Variants in PROS1 observed in about 807,000 individuals in gnomAD.
PROS1 encodes vitamin K-dependent protein S.
PROS1 carries 29 observed loss-of-function variants against 75.9 expected under a neutral mutation model. The ratio of observed to expected loss-of-function variants is 0.38; its 90% CI spans 0.28 to 0.52. PROS1 has a LOEUF of 0.52. Ranked by LOEUF, PROS1 falls within the 20% of genes least tolerant of loss-of-function variation. PROS1 has a pLI of 0.83. For synonymous variants in PROS1, 245 were observed against 280.6 expected, an observed-to-expected ratio of 0.87 and a Z score of 1.27; for missense variants, 680 against 810.3, an observed-to-expected ratio of 0.84 and a Z score of 1.95.
At chr3:93,918,438 C>T (rs1708893087) in intron 3 of PROS1, among the ~76,000 whole-genome samples, 1 of 152,082 alleles carries the variant, frequency 6.6e-6, no homozygotes, top group Non-Finnish European at 1.5e-5. Flanking sequence ...CTTGCTGCTG[C>T]TCACTCTTTG....
rs764602594 is a variant in PROS1, at chr3:93,879,302, C to T, written c.1505G>A (p.Ser502Asn). 9 of 1,613,978 alleles carry T rather than the reference C, an allele frequency of 5.6e-6. 1 individual carries two copies. The South Asian group carries it at 6.6e-5, about 12-fold the overall frequency. ...QFHIDYNNVSSAEGWHVNVTL... is the reference protein window; with the variant it reads ...QFHIDYNNVSNAEGWHVNVTL... ...CACATTTACATGCCAACCCTCAGCACTGGATACATTATCTATTTAAAATAA... is the reference window on the plus strand; with the variant it reads ...CACATTTACATGCCAACCCTCAGCATTGGATACATTATCTATTTAAAATAA... Residue 502 changes from serine (S) to asparagine (N), a missense_variant, in exon 13 of 15, where the codon AGT (serine) becomes AAT (asparagine). Coordinates refer to ENST00000394236, the MANE Select transcript of PROS1 (RefSeq NM_000313.4).
intron 1 of PROS1, among the ~76,000 whole-genome samples, chr3:93,967,706 C>G (rs1436649327): frequency 6.6e-6 from 1 of 152,038 alleles, no homozygotes; most frequent in African/African-American, 2.4e-5. Context: ...GGAAACATAG[C>G]AAGATCTCAT....
intron 6 of PROS1, among the ~76,000 whole-genome samples, chr3:93,903,724 T>C (rs901884807): frequency 2.8e-4 from 42 of 152,058 alleles, no homozygotes; most frequent in African/African-American, 8.0e-4. Context: ...TATTTAAGCG[T>C]AGAAGTAAGA....
intron 7 of PROS1, among the ~76,000 whole-genome samples, chr3:93,900,361 T>C: frequency 6.6e-6 from 1 of 152,222 alleles, no homozygotes; most frequent in Non-Finnish European, 1.5e-5. Flanking sequence ...TTTATTTATA[T>C]ATGCACAGAA....
Position 93,884,907 on chromosome 3 carries a change from A to G in PROS1, c.1324-11T>C. On this transcript the variant is annotated splice_polypyrimidine_tract_variant and intron_variant, in intron 11 of 14. Transcript: ENST00000394236. ...TAGACGAGGGTTAATCTAACAAATT[A>G]AAATACAAGTCAAGGAGTGCATTTT... 1 of 1,610,196 alleles carries G rather than the reference A, an allele frequency of 6.2e-7. No homozygotes were observed. The highest frequency in any genetic ancestry group is 8.5e-7 in the Non-Finnish European group (1 of 1,177,462).
At chr3:93,927,744 G>A (rs1177580676) in intron 1 of PROS1, among the ~76,000 whole-genome samples, 3 of 150,572 alleles carry the variant, frequency 2.0e-5, no homozygotes, top group Non-Finnish European at 4.4e-5. Context: ...GCTCACCTTC[G>A]TAATCCCAGC....
intron 1 of PROS1, among the ~76,000 whole-genome samples, chr3:93,951,610 A>G (rs1709497171): frequency 6.6e-6 from 1 of 152,240 alleles, no homozygotes; most frequent in African/African-American, 2.4e-5. Context: ...ACACATGGAA[A>G]GGAACAACCA....
At chr3:93,877,315 C>T (rs1346401232) in intron 13 of PROS1, 124 bp from the exon 14 acceptor site, 5 of 629,244 alleles carry the variant, frequency 7.9e-6, no homozygotes, top group Non-Finnish European at 1.4e-5. Context: ...TATGATAGAG[C>T]CTCTAAATTT....
At chr3:93,938,624 C>T (rs753776634) in intron 1 of PROS1, among the ~76,000 whole-genome samples, 3 of 152,198 alleles carry the variant, frequency 2.0e-5, no homozygotes, top group African/African-American at 4.8e-5. Flanking sequence ...GCCTCTCTTG[C>T]TACCCTTCAA....
intron 1 of PROS1, among the ~76,000 whole-genome samples, chr3:93,933,723 A>G (rs1709140869): frequency 6.6e-6 from 1 of 152,226 alleles, no homozygotes; most frequent in South Asian, 2.1e-4. Context: ...CAGCAGTTCG[A>G]GACTAGCCTG....
chr3:93,938,166 T>A (rs1389024061), intron 1 of PROS1, among the ~76,000 whole-genome samples: 1 of 152,198 alleles, frequency 6.6e-6, no homozygotes, highest in African/African-American at 2.4e-5. Flanking sequence ...AATGGCTGGT[T>A]CCTGCCTTAA....
intron 1 of PROS1, 61 bp downstream of exon 1, chr3:93,973,613 A>G: frequency 6.4e-7 from 1 of 1,558,714 alleles, no homozygotes. Context: ...CCTACCAACC[A>G]GGGCACGCAG....
chr3:93,937,873 C>T (rs767629119), intron 1 of PROS1, among the ~76,000 whole-genome samples: 11 of 152,276 alleles, frequency 7.2e-5, no homozygotes, highest in African/African-American at 2.4e-4. Flanking sequence ...GAAATAAGAA[C>T]ACTTTTGCCT....
chr3:93,950,978 T>C (rs549860945), intron 1 of PROS1, among the ~76,000 whole-genome samples: 7 of 152,098 alleles, frequency 4.6e-5, no homozygotes, highest in South Asian at 2.1e-4. Flanking sequence ...ATAAACAGCA[T>C]AGAGAAGAGC....
In PROS1 at chr3:93,905,834, C is replaced by T; in HGVS notation, c.551G>A (p.Cys184Tyr). 1 of 1,612,584 alleles carries T rather than the reference C, an allele frequency of 6.2e-7. No individual in the cohort carries two copies. Among genetic ancestry groups the T allele is most frequent in the South Asian group, 1.1e-5 (1 of 91,026 alleles). Reference protein sequence around the residue: ...ICDNTPGSYHCSCKNGFVMLS... With the variant: ...ICDNTPGSYHYSCKNGFVMLS... The stretch of plus-strand genomic sequence containing the variant: ...CATAACAAAACCATTTTTACAGGAA[C>T]AGTGGTAACTTCCAGGTGTATTATC... Residue 184 changes from cysteine to tyrosine, a missense_variant, in exon 6 of 15, where the codon TGT (cysteine) becomes TAT (tyrosine). By Grantham distance (194) the Cys-to-Tyr change is radical (BLOSUM62 -2). Coordinates refer to ENST00000394236, the MANE Select transcript of PROS1 (RefSeq NM_000313.4).
intron 1 of PROS1, among the ~76,000 whole-genome samples, chr3:93,969,449 C>A (rs1407502764): frequency 6.6e-6 from 1 of 152,190 alleles, no homozygotes; most frequent in East Asian, 1.9e-4. Flanking sequence ...AGCATCCATT[C>A]TTTTGTGGGA....
Position 93,951,010 on chromosome 3 carries a change from A to G in PROS1, c.76+22664T>C, listed in dbSNP as rs1251408521. ...GAGCTTAAATGACCTAATGGATCAA[A>G]TGAATGAAATGAAGTGAGAAGAGAA... is the stretch of plus-strand genomic sequence containing the variant. On this transcript the variant is annotated intron_variant, in intron 1 of 14. Coordinates refer to ENST00000394236, the MANE Select transcript of PROS1 (RefSeq NM_000313.4). Among the ~76,000 whole-genome samples, 5 of 152,374 alleles carry G rather than the reference A, an allele frequency of 3.3e-5. No homozygotes were observed. The South Asian group carries it at 1.0e-3, about 32-fold the overall frequency.
In PROS1 at chr3:93,906,049, T is replaced by G. The variant is rs1215602588; in HGVS notation, c.441A>C (p.Pro147=). The G allele has an allele frequency of 6.2e-7, 1 of 1,614,150 alleles. No individual in the cohort carries two copies. Among genetic ancestry groups the G allele is most frequent in the African/African-American group, 1.3e-5 (1 of 75,054 alleles). The part of the protein sequence containing the change: ...GKASFTCTCK[P]GWQGEKCEFD... The stretch of plus-strand genomic sequence containing the variant: ...ATTCACACTTTTCTCCTTGCCAACC[T>G]GGTTTACAAGTGCAAGTAAAAGAAG... The change falls in exon 5 of 15, where the codon CCA becomes CCC. Residue 147 remains proline (P), a synonymous_variant. Transcript: ENST00000394236.
intron 1 of PROS1, among the ~76,000 whole-genome samples, chr3:93,946,229 C>T (rs1006983067): frequency 7.9e-5 from 12 of 152,086 alleles, no homozygotes; most frequent in African/African-American, 2.7e-4. Context: ...GGCCATACTG[C>T]CCAAGGTAAT....
Sources: allele counts gnomAD v4.1 joint callset (sites outside exome capture counted in the v4.1 genomes callset), GRCh38; gene constraint gnomAD v4.1.1; transcripts MANE v1.5; gene names NCBI Gene and HGNC (gene_info 2026-07-23, HGNC 2026-07-21).